BAZ2B: variants seen among roughly 807,000 people sequenced by gnomAD.
BAZ2B encodes the protein bromodomain adjacent to zinc finger domain protein 2B.
A neutral mutation model predicts 246.0 loss-of-function variants in BAZ2B; 91 were observed. The ratio of observed to expected loss-of-function variants is 0.37; its 90% CI spans 0.31 to 0.44. The LOEUF (loss-of-function observed/expected upper bound fraction) is 0.44, where lower values mean the gene tolerates loss of function less well. BAZ2B is among the 20% of genes least tolerant of loss of function. The pLI is 1.00. For missense variants in BAZ2B, 2,332 were observed against 2,533.7 expected (o/e 0.92, Z 1.71); for synonymous variants, 855 against 860.0 (o/e 0.99, Z 0.10).
At chr2:159,575,615 A>G (rs1685108931) in intron 1 of BAZ2B, among the ~76,000 whole-genome samples, 1 of 152,196 alleles carries the variant, frequency 6.6e-6, no homozygotes, top group African/African-American at 2.4e-5. Context: ...CCTCTCTAAG[A>G]TTCCTAACCT....
At chr2:159,502,730 G>C (rs190404451) in intron 2 of BAZ2B, among the ~76,000 whole-genome samples, 2 of 152,264 alleles carry the variant, frequency 1.3e-5, no homozygotes, top group East Asian at 3.9e-4. Context: ...CAATATTCTT[G>C]ATTCTAGACT....
At position 159,400,494 on chromosome 2, in the gene BAZ2B, GACAA is replaced by G. The variant is rs971635274; in HGVS notation, c.2898+101_2898+104del. The G allele has an allele frequency of 4.6e-5, 32 of 691,644 alleles. 1 individual carries two copies. Among genetic ancestry groups the G allele is most frequent in the African/African-American group, 5.5e-5 (3 of 54,114 alleles). The allele number at this position is 691,644 out of a possible 1,614,324, so 42.8% of individuals were successfully genotyped here. ...TGCAGAATGTTTAAAGAGAATATCTGACAAACAATTTGTGTGAGAAAACATGCAC... is the reference window on the plus strand; with the variant it reads ...TGCAGAATGTTTAAAGAGAATATCTGACAATTTGTGTGAGAAAACATGCAC... On this transcript the variant is annotated intron_variant, in intron 17 of 36. Coordinates refer to ENST00000392783, the MANE Select transcript of BAZ2B (RefSeq NM_013450.4).
chr2:159,614,790 A>G (rs981761928), intron 1 of BAZ2B, among the ~76,000 whole-genome samples: 7 of 152,220 alleles, frequency 4.6e-5, no homozygotes, highest in Non-Finnish European at 4.4e-5. Context: ...CTTATCAGTA[A>G]CCTGTAAGTT....
At chr2:159,542,083 G>T (rs942202069) in intron 2 of BAZ2B, among the ~76,000 whole-genome samples, 1 of 152,158 alleles carries the variant, frequency 6.6e-6, no homozygotes, top group Non-Finnish European at 1.5e-5. Flanking sequence ...GTAGGCAGAA[G>T]AAAAGAACCA....
chr2:159,433,962 A>G (rs1483605816), intron 8 of BAZ2B: 2 of 152,428 alleles, frequency 1.3e-5, no homozygotes, highest in South Asian at 2.1e-4. Context: ...ACATTAGCCT[A>G]AAGTTGAGCA....
intron 2 of BAZ2B, among the ~76,000 whole-genome samples, chr2:159,500,454 C>G (rs886965256): frequency 6.6e-6 from 1 of 152,004 alleles, no homozygotes. Flanking sequence ...GGGAGCCTCC[C>G]GTGATGTTCT....
chr2:159,411,660 CTG>C (rs2066865279), intron 14 of BAZ2B, among the ~76,000 whole-genome samples: 1 of 152,138 alleles, frequency 6.6e-6, no homozygotes, highest in African/African-American at 2.4e-5. Flanking sequence ...CAAAGCCAAA[CTG>C]TTCTATTTTA....
chr2:159,375,492 C>G (rs1206317897), intron 25 of BAZ2B, among the ~76,000 whole-genome samples: 5 of 152,084 alleles, frequency 3.3e-5, no homozygotes, highest in African/African-American at 9.7e-5. Context: ...GAGTTTAAGG[C>G]TAGATTTTGA....
intron 31 of BAZ2B, among the ~76,000 whole-genome samples, chr2:159,346,757 C>T (rs1254418185): frequency 6.6e-6 from 1 of 152,068 alleles, no homozygotes; most frequent in Non-Finnish European, 1.5e-5. Context: ...CTAAACCTTT[C>T]ATGCTTTTAA....
intron 14 of BAZ2B, among the ~76,000 whole-genome samples, 157 bp from the exon 15 acceptor site, chr2:159,405,271 G>A (rs1268453157): frequency 6.6e-6 from 1 of 152,012 alleles, no homozygotes; most frequent in African/African-American, 2.4e-5. Context: ...GAGTGCAGTG[G>A]TGCGATCGCG....
At chr2:159,511,627 T>C (rs2082935395) in intron 2 of BAZ2B, among the ~76,000 whole-genome samples, 1 of 152,204 alleles carries the variant, frequency 6.6e-6, no homozygotes, top group Admixed American at 6.5e-5. Context: ...TCATTTCTTT[T>C]TCCCCAACTG....
chr2:159,629,986 T>G, the BAZ2B span, among the ~76,000 whole-genome samples: 1 of 152,164 alleles, frequency 6.6e-6, no homozygotes, highest in African/African-American at 2.4e-5. Flanking sequence ...TACCTATTTT[T>G]TAACTGAAAG....
At chr2:159,692,491 G>A in the BAZ2B span, among the ~76,000 whole-genome samples, 2 of 151,904 alleles carry the variant, frequency 1.3e-5, no homozygotes, top group African/African-American at 4.8e-5. Flanking sequence ...AGGCTATGTG[G>A]TTCATCTGCA....
At chr2:159,485,980 C>T (rs1028498034) in intron 2 of BAZ2B, among the ~76,000 whole-genome samples, 7 of 152,016 alleles carry the variant, frequency 4.6e-5, no homozygotes, top group Non-Finnish European at 8.8e-5. Context: ...GTATCCCTTT[C>T]CATCCAAAGG....
the BAZ2B span, among the ~76,000 whole-genome samples, chr2:159,661,499 C>A: frequency 6.6e-6 from 1 of 152,080 alleles, no homozygotes; most frequent in Non-Finnish European, 1.5e-5. Context: ...TTTTGTTTAG[C>A]TTTTTAAGCT....
Position 159,477,471 on chromosome 2 carries a change from T to C in BAZ2B, c.145+1104A>G, listed in dbSNP as rs201232587. On this transcript the variant is annotated intron_variant, in intron 3 of 36. Transcript: ENST00000392783. ...TGACAGAATGACATCCTTTTTGTCA[T>C]TCCATTGATTGGAAAAACAAAAATA... Among the ~76,000 whole-genome samples the C allele has an allele frequency of 4.6e-5, 7 of 152,150 alleles. No homozygotes were observed. The East Asian group carries it at 1.4e-3, about 29-fold the overall frequency.
At chr2:159,670,331 T>G in the BAZ2B span, among the ~76,000 whole-genome samples, 2 of 152,350 alleles carry the variant, frequency 1.3e-5, no homozygotes, top group African/African-American at 4.8e-5. Flanking sequence ...TTAACAATTC[T>G]ATTGGCTCAT....
chr2:159,697,016 C>A, the BAZ2B span, among the ~76,000 whole-genome samples: 1 of 152,070 alleles, frequency 6.6e-6, no homozygotes, highest in Non-Finnish European at 1.5e-5. Context: ...GAACTCCTGA[C>A]TTCAGGTGAT....
At chr2:159,621,452 A>C (rs1478255651), upstream of BAZ2B, among the ~76,000 whole-genome samples, 3 of 152,246 alleles carry the variant, frequency 2.0e-5, no homozygotes, top group Non-Finnish European at 4.4e-5. Flanking sequence ...TAAGAAAAAC[A>C]CAGGAAATCT....
Sources: gnomAD v4.1 joint callset for allele counts (sites outside exome capture counted in the v4.1 genomes callset) on GRCh38, gnomAD v4.1.1 for gene constraint, MANE v1.5 for transcripts, NCBI Gene and HGNC (gene_info 2026-07-23, HGNC 2026-07-21) for gene names.